The following FRZB variants were observed in gnomAD, a reference collection of about 807,000 sequenced individuals.
The protein encoded by FRZB is secreted frizzled-related protein 3.
A neutral mutation model predicts 32.5 loss-of-function variants in FRZB; 34 were observed. The observed-to-expected ratio is 1.05, with a 90% CI of 0.80 to 1.39. The LOEUF is 1.39. Among genes scored for constraint, FRZB ranks in the 40% most tolerant of loss-of-function variants. The probability of loss-of-function intolerance (pLI) is 0.00; values close to 1 mark genes in which losing one functional copy is unlikely to be tolerated. For missense variants in FRZB, 423 were observed against 424.8 expected (o/e 1.00, Z 0.04); for synonymous variants, 170 against 159.2 (o/e 1.07, Z -0.51).
intron 2 of FRZB, among the ~76,000 whole-genome samples, chr2:182,843,402 C>T (rs970365261): frequency 6.6e-6 from 1 of 151,916 alleles, no homozygotes; most frequent in African/African-American, 2.4e-5. Flanking sequence ...AAGAAATATA[C>T]ATCATAAGCA....
chr2:182,851,722 A>T (rs1292669195), intron 2 of FRZB, among the ~76,000 whole-genome samples: 2 of 152,208 alleles, frequency 1.3e-5, no homozygotes, highest in African/African-American at 2.4e-5. Flanking sequence ...TTATTTTTGA[A>T]GTACTCAAAG....
chr2:182,841,825 G>A (rs1695589127), intron 3 of FRZB, among the ~76,000 whole-genome samples: 1 of 152,138 alleles, frequency 6.6e-6, no homozygotes. Context: ...TAAAGATAAT[G>A]TATGGAAATC....
Position 182,837,935 on chromosome 2 carries a change from A to G in FRZB, c.861+13T>C, listed in dbSNP as rs1695545213. 2 of 1,607,280 alleles carry G rather than the reference A, an allele frequency of 1.2e-6. No individual in the cohort carries two copies. The highest frequency in any genetic ancestry group is 1.7e-6 in the Non-Finnish European group (2 of 1,174,898). The stretch of plus-strand genomic sequence containing the variant: ...TTTCTGTGTATTACTTCAAACATAA[A>G]ATACAGGCTTACCTTAACTTTTTTA... On this transcript the variant is annotated intron_variant, in intron 5 of 5. Transcript: ENST00000295113.
chr2:182,855,900 A>G (rs1276474767), intron 2 of FRZB, among the ~76,000 whole-genome samples: 1 of 152,094 alleles, frequency 6.6e-6, no homozygotes, highest in Admixed American at 6.6e-5. Context: ...GCAACCAAAG[A>G]AAACTGATGT....
rs369471476 is a variant in FRZB, at chr2:182,842,531, C to A, written c.539G>T (p.Cys180Phe). ...CRGASSERCK[C>F]KPIRATQKTY... Reference sequence around the variant, plus strand: ...CTTCTGTGTAGCTCTAATAGGCTTACATTTACAGCGTTCTGAAAAACACAT... The same window carrying A: ...CTTCTGTGTAGCTCTAATAGGCTTAAATTTACAGCGTTCTGAAAAACACAT... Residue 180 changes from cysteine (C) to phenylalanine (F), a missense_variant, in exon 3 of 6, where the codon TGT becomes TTT. Transcript: ENST00000295113. 395 of 1,611,800 alleles carry A rather than the reference C, an allele frequency of 2.5e-4. No homozygotes were observed. The highest frequency in any genetic ancestry group is 2.9e-4 in the Non-Finnish European group (343 of 1,178,316).
At chr2:182,853,031 A>T (rs1331596724) in intron 2 of FRZB, among the ~76,000 whole-genome samples, 21 of 151,456 alleles carry the variant, frequency 1.4e-4, no homozygotes. Context: ...ATCATGATCA[A>T]CCTCAGCTGT....
At chr2:182,863,726 C>A (rs1387286667) in intron 1 of FRZB, among the ~76,000 whole-genome samples, 2 of 152,160 alleles carry the variant, frequency 1.3e-5, no homozygotes, top group Admixed American at 6.5e-5. Context: ...CCCACTGAAC[C>A]AAAGAGTATA....
At chr2:182,843,719 C>G (rs1379121944) in intron 2 of FRZB, among the ~76,000 whole-genome samples, 1 of 152,098 alleles carries the variant, frequency 6.6e-6, no homozygotes, top group Non-Finnish European at 1.5e-5. Flanking sequence ...ATTGCTTTAG[C>G]CCAGGAGTTC....
At chr2:182,858,728 T>C in intron 2 of FRZB, 58 bp downstream of exon 2, 1 of 1,351,996 alleles carries the variant, frequency 7.4e-7, no homozygotes, top group Non-Finnish European at 1.0e-6. Flanking sequence ...AGTATCTAAA[T>C]TACATCAATG....
intron 2 of FRZB, among the ~76,000 whole-genome samples, chr2:182,844,453 A>C (rs1486260072): frequency 1.3e-5 from 2 of 152,168 alleles, no homozygotes; most frequent in Non-Finnish European, 2.9e-5. Context: ...TGAAGACGTA[A>C]ATTTTATGGT....
At chr2:182,859,524 T>C (rs778001915) in intron 1 of FRZB, among the ~76,000 whole-genome samples, 5 of 152,202 alleles carry the variant, frequency 3.3e-5, no homozygotes, top group Non-Finnish European at 7.4e-5. Context: ...TGAGAGATGC[T>C]GTACCTAGCA....
At chr2:182,857,808 A>C (rs1363399018) in intron 2 of FRZB, among the ~76,000 whole-genome samples, 1 of 152,174 alleles carries the variant, frequency 6.6e-6, no homozygotes, top group African/African-American at 2.4e-5. Flanking sequence ...GAACCCTCAG[A>C]ACTCATTAAG....
intron 2 of FRZB, among the ~76,000 whole-genome samples, chr2:182,856,533 G>A (rs1037027121): frequency 2.0e-4 from 31 of 151,966 alleles, no homozygotes; most frequent in African/African-American, 7.0e-4. Flanking sequence ...AAGATCAACA[G>A]TATGGATTTT....
intron 2 of FRZB, among the ~76,000 whole-genome samples, chr2:182,854,632 G>A (rs1431473374): frequency 1.3e-5 from 2 of 152,216 alleles, no homozygotes; most frequent in Non-Finnish European, 1.5e-5. Context: ...AGCAACGGCT[G>A]CAACAAGGGA....
At chr2:182,855,906 G>T (rs889002108) in intron 2 of FRZB, among the ~76,000 whole-genome samples, 1 of 151,950 alleles carries the variant, frequency 6.6e-6, no homozygotes, top group Non-Finnish European at 1.5e-5. Flanking sequence ...AAAGAAAACT[G>T]ATGTATTACT....
At chr2:182,862,358 T>G (rs1695842700) in intron 1 of FRZB, among the ~76,000 whole-genome samples, 1 of 152,216 alleles carries the variant, frequency 6.6e-6, no homozygotes, top group East Asian at 1.9e-4. Context: ...TACCATAAAT[T>G]TTCTTAACTG....
chr2:182,850,205 C>T (rs1452679540), intron 2 of FRZB, among the ~76,000 whole-genome samples: 3 of 152,150 alleles, frequency 2.0e-5, no homozygotes, highest in African/African-American at 7.2e-5. Context: ...ATATCCACCA[C>T]ATTAAACATT....
chr2:182,855,855 C>T, intron 2 of FRZB, among the ~76,000 whole-genome samples: 1 of 151,794 alleles, frequency 6.6e-6, no homozygotes, highest in Non-Finnish European at 1.5e-5. Context: ...AATTAAAGCA[C>T]TAAAAACTAA....
In FRZB at chr2:182,833,693, A is replaced by G. The variant is rs891975825; in HGVS notation, c.*1156T>C. 6.6e-6 allele frequency: 1 copy of G among 152,156 alleles called. No homozygotes were observed. The highest frequency in any genetic ancestry group is 1.5e-5 in the Non-Finnish European group (1 of 68,030). The allele number at this position is 152,156 out of a possible 1,614,324, so 9.4% of individuals were successfully genotyped here. Reference sequence around the variant, plus strand: ...CGAAATAACCTCTCTCCTGACAACCATAATTCATTTTACTAGACATTTTTC... The same window carrying G: ...CGAAATAACCTCTCTCCTGACAACCGTAATTCATTTTACTAGACATTTTTC... On this transcript the variant is annotated 3_prime_UTR_variant, in exon 6 of 6. Coordinates refer to ENST00000295113, the MANE Select transcript of FRZB (RefSeq NM_001463.4).
Sources: gnomAD v4.1 joint callset for allele counts (sites outside exome capture counted in the v4.1 genomes callset) on GRCh38, gnomAD v4.1.1 for gene constraint, MANE v1.5 for transcripts, NCBI Gene and HGNC (gene_info 2026-07-23, HGNC 2026-07-21) for gene names.